The following EYS variants were observed in gnomAD, a reference collection of about 807,000 sequenced individuals.
The protein encoded by EYS is protein eyes shut homolog.
A neutral mutation model predicts 282.1 loss-of-function variants in EYS; 250 were observed. The observed-to-expected ratio is 0.89, with a 90% CI of 0.80 to 0.98. EYS has a LOEUF of 0.98. Among genes scored for constraint, EYS ranks in the 50% least tolerant of loss-of-function variants. The pLI, the probability that EYS is intolerant of heterozygous loss-of-function variation, is 0.00. For missense variants in EYS, 4,016 were observed against 3,709.0 expected, an observed-to-expected ratio of 1.08 and a Z score of -2.15; for synonymous variants, 1,355 against 1,282.9, an observed-to-expected ratio of 1.06 and a Z score of -1.20.
chr6:65,142,459 T>C (rs1160990389), intron 12 of EYS, among the ~76,000 whole-genome samples: 5 of 138,530 alleles, frequency 3.6e-5, no homozygotes, highest in Non-Finnish European at 7.8e-5. Flanking sequence ...GGAAACATGA[T>C]AAATGGAATA....
Position 64,406,765 on chromosome 6 carries a change from T to C in EYS, c.5928-17925A>G, listed in dbSNP as rs567268663. Among the ~76,000 whole-genome samples, 13 of 152,344 alleles carry C rather than the reference T, an allele frequency of 8.5e-5. No homozygotes were observed. In the East Asian group the frequency reaches 2.3e-3, roughly 27 times the overall value. ...AAATCTGCAATGAGATACCATCTCA[T>C]GCCAGTTAGAATGGCAATCATTAAC... On this transcript the variant is annotated intron_variant, in intron 28 of 42. Coordinates refer to ENST00000503581, the MANE Select transcript of EYS (RefSeq NM_001142800.2).
chr6:64,654,460 T>C (rs1415578124), intron 22 of EYS, among the ~76,000 whole-genome samples: 2 of 152,160 alleles, frequency 1.3e-5, no homozygotes, highest in Admixed American at 6.5e-5. Context: ...ACATGAATTA[T>C]ATGGAACTAA....
chr6:64,766,944 G>T (rs976811502), intron 22 of EYS, among the ~76,000 whole-genome samples: 22 of 151,492 alleles, frequency 1.5e-4, no homozygotes, highest in African/African-American at 5.3e-4. Context: ...AAACTGAAAA[G>T]AAGTCAATTA....
At chr6:65,305,314 T>C (rs1298572536) in intron 11 of EYS, among the ~76,000 whole-genome samples, 2 of 152,226 alleles carry the variant, frequency 1.3e-5, no homozygotes, top group Non-Finnish European at 2.9e-5. Context: ...CTTTGTTGTA[T>C]TCTTTATGTA....
At chr6:65,369,769 C>G (rs1325241120) in intron 8 of EYS, among the ~76,000 whole-genome samples, 1 of 151,590 alleles carries the variant, frequency 6.6e-6, no homozygotes, top group Non-Finnish European at 1.5e-5. Context: ...CAGCCCTGAT[C>G]TCTACTTGTG....
intron 26 of EYS, among the ~76,000 whole-genome samples, chr6:64,587,395 C>T (rs1181244002): frequency 6.6e-6 from 1 of 151,964 alleles, no homozygotes; most frequent in Non-Finnish European, 1.5e-5. Context: ...GTCACGGAAA[C>T]CATTATGTGT....
chr6:64,919,982 A>C (rs1361530222), intron 15 of EYS, among the ~76,000 whole-genome samples: 1 of 152,196 alleles, frequency 6.6e-6, no homozygotes, highest in African/African-American at 2.4e-5. Flanking sequence ...ATTTTGAAGA[A>C]TACCCAAAGT....
intron 1 of EYS, among the ~76,000 whole-genome samples, chr6:65,688,275 G>A (rs1376517165): frequency 1.3e-5 from 2 of 151,988 alleles, no homozygotes; most frequent in African/African-American, 4.8e-5. Flanking sequence ...CAGAAATAAT[G>A]CTGCATATCT....
chr6:64,957,528 G>C (rs1313233070), intron 14 of EYS, among the ~76,000 whole-genome samples: 1 of 151,978 alleles, frequency 6.6e-6, no homozygotes, highest in African/African-American at 2.4e-5. Context: ...GGCACAACAG[G>C]GTGCCTATAG....
intron 19 of EYS, among the ~76,000 whole-genome samples, chr6:64,847,283 A>ATG (rs79270631): frequency 0.027 from 3,989 of 149,564 alleles, 291 homozygotes; most frequent in Admixed American, 0.18. Flanking sequence ...TATGTATATT[A>ATG]TGTGTGTGTG....
At chr6:65,141,022 G>A (rs970502241) in intron 12 of EYS, among the ~76,000 whole-genome samples, 1 of 151,726 alleles carries the variant, frequency 6.6e-6, no homozygotes, top group Non-Finnish European at 1.5e-5. Context: ...AAATCATGCT[G>A]CTATAAAGAC....
At chr6:64,478,029 A>G (rs1308527668) in intron 26 of EYS, among the ~76,000 whole-genome samples, 1 of 151,970 alleles carries the variant, frequency 6.6e-6, no homozygotes, top group Non-Finnish European at 1.5e-5. Context: ...CATTATTATG[A>G]ACTTGCTGTT....
intron 14 of EYS, among the ~76,000 whole-genome samples, chr6:64,964,287 G>A (rs927408761): frequency 3.3e-5 from 5 of 151,882 alleles, no homozygotes; most frequent in Non-Finnish European, 7.4e-5. Flanking sequence ...TTTACCATCT[G>A]TCTGACTTCC....
chr6:63,809,388 G>T (rs1293343333), intron 36 of EYS, among the ~76,000 whole-genome samples: 1 of 152,206 alleles, frequency 6.6e-6, no homozygotes, highest in Non-Finnish European at 1.5e-5. Flanking sequence ...GGAAGGATCA[G>T]TCATCATCTA....
intron 11 of EYS, among the ~76,000 whole-genome samples, chr6:65,317,204 T>C (rs749827016): frequency 2.0e-4 from 30 of 152,312 alleles, no homozygotes; most frequent in Non-Finnish European, 3.4e-4. Context: ...TAAACCTAGA[T>C]CTTTGTGGAG....
At chr6:64,911,516 C>G (rs1458512608) in intron 16 of EYS, among the ~76,000 whole-genome samples, 2 of 152,084 alleles carry the variant, frequency 1.3e-5, no homozygotes, top group African/African-American at 4.8e-5. Context: ...GTCTGTTTAA[C>G]TAATGTCATC....
At chr6:63,736,440 A>G (rs1405106056) in intron 41 of EYS, among the ~76,000 whole-genome samples, 4 of 151,708 alleles carry the variant, frequency 2.6e-5, no homozygotes, top group Admixed American at 6.6e-5. Flanking sequence ...TGTTCCATTG[A>G]TCTATATCTC....
intron 36 of EYS, among the ~76,000 whole-genome samples, chr6:63,844,177 A>G (rs183417761): frequency 1.4e-3 from 219 of 152,296 alleles, no homozygotes; most frequent in African/African-American, 5.0e-3. Flanking sequence ...CCGGCAAAGG[A>G]CATGAATTCA....
chr6:63,965,019 C>T (rs1436546084), intron 35 of EYS, among the ~76,000 whole-genome samples: 2 of 152,174 alleles, frequency 1.3e-5, no homozygotes, highest in East Asian at 1.9e-4. Context: ...CCAGTTTATA[C>T]TTATATCGTT....
Sources: allele counts gnomAD v4.1 joint callset (sites outside exome capture counted in the v4.1 genomes callset), GRCh38; gene constraint gnomAD v4.1.1; transcripts MANE v1.5; gene names NCBI Gene and HGNC (gene_info 2026-07-23, HGNC 2026-07-21).